Variants in MED1 observed in about 807,000 individuals in gnomAD.
MED1 encodes the protein mediator complex subunit 1.
Under a neutral mutation model 121.3 loss-of-function variants are expected in MED1, and 17 were observed. The ratio of observed to expected loss-of-function variants is 0.14; its 90% CI spans 0.10 to 0.21. The LOEUF is 0.21. Among genes scored for constraint, MED1 ranks in the 10% least tolerant of loss-of-function variants. The probability of loss-of-function intolerance (pLI) is 1.00; values close to 1 mark genes in which losing one functional copy is unlikely to be tolerated. For synonymous variants in MED1, 661 were observed against 694.4 expected (o/e 0.95, Z 0.76); for missense variants, 1,558 against 1,919.4 (o/e 0.81, Z 3.52).
chr17:39,441,586 G>A (rs11078899), intron 3 of MED1, among the ~76,000 whole-genome samples: 119,608 of 152,110 alleles, frequency 0.79, 47,542 homozygotes, highest in South Asian at 0.92. Flanking sequence ...CCTGACCAAC[G>A]TGGTGAAACC....
Position 39,436,008 on chromosome 17 carries a change from G to C in MED1, c.429-1688C>G, listed in dbSNP as rs961552701. Among the ~76,000 whole-genome samples the C allele has an allele frequency of 2.6e-5, 4 of 151,858 alleles. No individual in the cohort carries two copies. The East Asian group carries it at 7.7e-4, about 29-fold the overall frequency. ...AATCGCTTGAACCCGGGAGGGGGAG[G>C]TTGCAGTGAGCCGAGATTGCGCCAC... is the stretch of plus-strand genomic sequence containing the variant. On this transcript the variant is annotated intron_variant, in intron 6 of 16. Transcript: ENST00000300651.
chr17:39,435,975 G>A (rs936484503), intron 6 of MED1, among the ~76,000 whole-genome samples: 3 of 152,088 alleles, frequency 2.0e-5, no homozygotes, highest in Non-Finnish European at 4.4e-5. Flanking sequence ...AGGAGGCTAA[G>A]GCAGGAAAAT....
Position 39,409,957 on chromosome 17 carries a change from G to A in MED1, c.2264C>T (p.Pro755Leu), listed in dbSNP as rs948658480. Residue 755 changes from proline (P) to leucine (L), a missense_variant, in exon 17 of 17, where the codon CCA (proline) becomes CTA (leucine). Physicochemically the swap from Pro to Leu is moderately conservative, Grantham distance 98. Transcript: ENST00000300651. Reference sequence around the variant, plus strand: ...AATACTGGGTTGGGGGTGAGGTACTGGTTGTGGGTAAGTTGTTGGGGGAGT... The same window carrying A: ...AATACTGGGTTGGGGGTGAGGTACTAGTTGTGGGTAAGTTGTTGGGGGAGT... ...CSTPPTTYPQ[P>L]VPHPQPSIQR... The A allele has an allele frequency of 6.2e-7, 1 of 1,614,028 alleles. No homozygotes were observed. The highest frequency in any genetic ancestry group is 8.5e-7 in the Non-Finnish European group (1 of 1,180,032).
chr17:39,423,641 T>G (rs2048487637), intron 12 of MED1, 56 bp downstream of exon 12: 2 of 1,610,640 alleles, frequency 1.2e-6, no homozygotes, highest in East Asian at 2.2e-5. Context: ...AACCTGACTT[T>G]GAAGTTTCTT....
Position 39,451,137 on chromosome 17 carries a change from G to A in MED1, c.-75C>T. The A allele has an allele frequency of 8.9e-6, 14 of 1,565,374 alleles. No individual in the cohort carries two copies. The highest frequency in any genetic ancestry group is 1.2e-5 in the Non-Finnish European group (14 of 1,143,252). ...CCACCACTAACGGAGGAAACAAGTT[G>A]GCTCGGGATCCCGGGACGCAGGGCA... On this transcript the variant is annotated 5_prime_UTR_variant, in exon 1 of 17. Coordinates refer to ENST00000300651, the MANE Select transcript of MED1 (RefSeq NM_004774.4).
chr17:39,443,748 A>G (rs1026491844), intron 2 of MED1, 120 bp from the exon 3 acceptor site: 4 of 759,224 alleles, frequency 5.3e-6, no homozygotes, highest in Admixed American at 4.8e-5. Flanking sequence ...AATATAGTCT[A>G]TAGATTTTGT....
At chr17:39,417,325 G>A (rs1234267436) in intron 14 of MED1, among the ~76,000 whole-genome samples, 10 of 146,304 alleles carry the variant, frequency 6.8e-5, no homozygotes, top group African/African-American at 2.6e-4. Context: ...GCAAGACTCC[G>A]TCTCAAAAAA....
In MED1 at chr17:39,447,926, G is replaced by A. The variant is rs779343973; in HGVS notation, c.26-22C>T. On this transcript the variant is annotated intron_variant, in intron 1 of 16. Transcript: ENST00000300651. The stretch of plus-strand genomic sequence containing the variant: ...GACTCTATGATTTAAATCAGAAAAC[G>A]TTATCAGTAACTGTTCTATCAAGAC... 3.1e-5 allele frequency: 47 copies of A among 1,505,850 alleles called. No homozygotes were observed. The South Asian group carries it at 3.2e-4, about 10-fold the overall frequency. The allele number at this position is 1,505,850 out of a possible 1,614,324, so 93.3% of individuals were successfully genotyped here.
chr17:39,444,237 G>A (rs967023638), intron 2 of MED1, among the ~76,000 whole-genome samples: 2 of 151,998 alleles, frequency 1.3e-5, no homozygotes, highest in African/African-American at 4.8e-5. Flanking sequence ...GGCTGGGTGC[G>A]GTGGCTCACA....
At chr17:39,418,170 AT>A (rs2048428271) in intron 14 of MED1, among the ~76,000 whole-genome samples, 1 of 151,752 alleles carries the variant, frequency 6.6e-6, no homozygotes, top group Non-Finnish European at 1.5e-5. Context: ...AAGCTGTAAG[AT>A]TAAGTTCTCC....
intron 1 of MED1, among the ~76,000 whole-genome samples, chr17:39,450,572 G>A (rs186005157): frequency 2.6e-3 from 394 of 152,286 alleles, no homozygotes; most frequent in African/African-American, 9.1e-3. Context: ...GTCAATAAAA[G>A]AACGAAATTC....
At chr17:39,436,658 C>T (rs2048621771) in intron 6 of MED1, among the ~76,000 whole-genome samples, 1 of 152,170 alleles carries the variant, frequency 6.6e-6, no homozygotes, top group Non-Finnish European at 1.5e-5. Context: ...CTAAATGAAA[C>T]AATTTTTCCC....
chr17:39,438,905 C>T (rs750383044), intron 6 of MED1, among the ~76,000 whole-genome samples: 20 of 152,080 alleles, frequency 1.3e-4, no homozygotes, highest in South Asian at 4.1e-4. Flanking sequence ...GCTGAGATCG[C>T]GCCACTGCAC....
chr17:39,409,386 A>G lies in MED1; in HGVS notation c.2835T>C (p.Asp945=), dbSNP rs1597850914. The G allele has an allele frequency of 3.7e-6, 6 of 1,613,966 alleles. No homozygotes were observed. Among genetic ancestry groups the G allele is most frequent in the Non-Finnish European group, 5.1e-6 (6 of 1,180,030 alleles). The change falls in exon 17 of 17, where the codon GAT becomes GAC. Residue 945 remains aspartate (D), a synonymous_variant. Transcript: ENST00000300651. ...SVAGKALAPA[D]LMEHHSGSQG... is the part of the protein sequence containing the mutation. ...GACTACCACTGTGATGCTCCATAAG[A>G]TCTGCAGGAGCTAAAGCTTTGCCGG...
At position 39,408,063 on chromosome 17, in the gene MED1, G is replaced by T; in HGVS notation, c.4158C>A (p.Ser1386Arg). 6.2e-7 allele frequency: 1 copy of T among 1,614,132 alleles called. No homozygotes were observed. Among genetic ancestry groups the T allele is most frequent in the Non-Finnish European group, 8.5e-7 (1 of 1,180,024 alleles). The part of the protein sequence containing the change: ...KKTSESKNVG[S>R]TGVAKIIISK... ...TGATGATAATTTTTGCCACACCTGTGCTCCCCACATTTTTTGACTCTGAGG... is the reference window on the plus strand; with the variant it reads ...TGATGATAATTTTTGCCACACCTGTTCTCCCCACATTTTTTGACTCTGAGG... The change falls in exon 17 of 17, where the codon AGC (serine) becomes AGA (arginine). Residue 1386 changes from serine (S) to arginine (R), a missense_variant. By Grantham distance (110) the Ser-to-Arg change is moderately radical. Transcript: ENST00000300651. This position sits in a 1 kb window ranked among gnomAD's most constrained non-coding sequence, Gnocchi z 4.7.
intron 1 of MED1, among the ~76,000 whole-genome samples, chr17:39,448,613 AT>A (rs1275135359): frequency 1.3e-5 from 2 of 152,054 alleles, no homozygotes; most frequent in African/African-American, 4.8e-5. Flanking sequence ...AAGAAAAAAA[AT>A]AAATGAAAAT....
At chr17:39,432,102 G>C (rs1057139046) in intron 7 of MED1, 86 bp from the exon 8 acceptor site, 1 of 936,564 alleles carries the variant, frequency 1.1e-6, no homozygotes, top group African/African-American at 1.6e-5. Context: ...CAGCACCTTG[G>C]GAGGCTGAGG....
At chr17:39,432,342 C>A (rs79678683) in intron 7 of MED1, among the ~76,000 whole-genome samples, 371 of 80,950 alleles carry the variant, frequency 4.6e-3, no homozygotes, top group Admixed American at 6.3e-3. Flanking sequence ...GATTCCATCT[C>A]AAAAAAAAAA....
rs149231162 is a variant in MED1, at chr17:39,433,527, C to CTATATATATATA, written c.500+710_500+721dup. On this transcript the variant is annotated intron_variant, in intron 7 of 16. Coordinates refer to ENST00000300651, the MANE Select transcript of MED1 (RefSeq NM_004774.4). Reference sequence around the variant, plus strand: ...TTTTTAAAATAAATTTTTTTTGTTACTATATATATATATATATATACACAC... The same window carrying CTATATATATATA: ...TTTTTAAAATAAATTTTTTTTGTTACTATATATATATATATATATATATATATATATACACAC... 2.6e-3 allele frequency among the ~76,000 whole-genome samples: 373 copies of CTATATATATATA among 144,348 alleles called. 4 individuals are homozygous for CTATATATATATA. Among genetic ancestry groups the CTATATATATATA allele is most frequent in the African/African-American group, 9.3e-3 (363 of 38,980 alleles). 94.7% of individuals were successfully genotyped at this position (144,348 alleles called of 152,430 possible).
Sources: gnomAD v4.1 joint callset for allele counts (sites outside exome capture counted in the v4.1 genomes callset) on GRCh38, gnomAD v4.1.1 for gene constraint, Gnocchi (gnomAD v3.1) non-coding constraint, MANE v1.5 for transcripts, NCBI Gene and HGNC (gene_info 2026-07-23, HGNC 2026-07-21) for gene names.